Variants in CEP85L observed in about 807,000 individuals in gnomAD.
The protein encoded by CEP85L is centrosomal protein of 85 kDa-like.
In CEP85L, 60 loss-of-function variants were observed where a neutral mutation model predicts 100.3. That is an observed-to-expected ratio of 0.60 (90% confidence interval 0.49 to 0.74). The LOEUF (loss-of-function observed/expected upper bound fraction) is 0.74. Among genes scored for constraint, CEP85L ranks in the 30% least tolerant of loss-of-function variants. CEP85L has a pLI of 0.00. For synonymous variants in CEP85L, 319 were observed against 322.7 expected, an observed-to-expected ratio of 0.99 and a Z score of 0.12; for missense variants, 973 against 936.2, an observed-to-expected ratio of 1.04 and a Z score of -0.51.
chr6:118,534,608 G>C (rs1439084655), intron 3 of CEP85L, among the ~76,000 whole-genome samples: 2 of 152,146 alleles, frequency 1.3e-5, no homozygotes, highest in Non-Finnish European at 2.9e-5. Flanking sequence ...TTGACATAAG[G>C]ATAGACAGAC....
intron 2 of CEP85L, among the ~76,000 whole-genome samples, chr6:118,582,371 GA>G (rs1404756810): frequency 6.6e-6 from 1 of 152,194 alleles, no homozygotes; most frequent in Non-Finnish European, 1.5e-5. Flanking sequence ...CACATAGAGG[GA>G]TGTTATGTTG....
chr6:118,703,182 T>C (rs919305892), intron 1 of CEP85L, among the ~76,000 whole-genome samples: 4 of 152,234 alleles, frequency 2.6e-5, no homozygotes, highest in African/African-American at 9.6e-5. Flanking sequence ...ACTATTTCTG[T>C]AGTTCTTTCT....
chr6:118,620,821 C>G (rs1220266376), intron 2 of CEP85L, among the ~76,000 whole-genome samples: 1 of 152,186 alleles, frequency 6.6e-6, no homozygotes, highest in African/African-American at 2.4e-5. Context: ...AGGTATTTCT[C>G]CCACCTCCTC....
At chr6:118,541,418 A>G (rs779804631) in intron 3 of CEP85L, among the ~76,000 whole-genome samples, 3 of 152,250 alleles carry the variant, frequency 2.0e-5, no homozygotes, top group Non-Finnish European at 2.9e-5. Flanking sequence ...CAATGCTTAC[A>G]TATCAGGAAG....
intron 2 of CEP85L, among the ~76,000 whole-genome samples, chr6:118,624,012 T>C (rs1773621465): frequency 1.3e-5 from 2 of 152,240 alleles, no homozygotes; most frequent in African/African-American, 2.4e-5. Flanking sequence ...GAGTTAAACC[T>C]TGGACACCCC....
chr6:118,524,828 T>C (rs941450428), intron 3 of CEP85L, among the ~76,000 whole-genome samples: 1 of 152,218 alleles, frequency 6.6e-6, no homozygotes, highest in Non-Finnish European at 1.5e-5. Context: ...AGGGCTCATG[T>C]GGGCATGCCC....
At chr6:118,632,843 C>T (rs1351849077) in intron 1 of CEP85L, among the ~76,000 whole-genome samples, 2 of 152,108 alleles carry the variant, frequency 1.3e-5, no homozygotes, top group African/African-American at 2.4e-5. Context: ...TTTCTGCTTC[C>T]GGGCATTAAA....
chr6:118,560,020 A>G, intron 3 of CEP85L: 1 of 167,240 alleles, frequency 6.0e-6, no homozygotes. Context: ...CCAGCCTAAC[A>G]TCCAATGCAG....
rs2516264 is a variant in CEP85L at position 118,475,349 on chromosome 6, T to C, written c.1914+4522A>G. 3.2e-5 allele frequency among the ~76,000 whole-genome samples: 2 copies of C among 61,952 alleles called. 1 individual carries two copies. The allele number at this position is 61,952 out of a possible 152,430, so 40.6% of individuals were successfully genotyped here. A position where few individuals can be genotyped will look rare whatever the true frequency, so the allele number is the denominator to read the frequency against. Reference sequence around the variant, plus strand: ...AAGGTGGGTGAATTGTAGGTGACATTTTTTTTTTTTTTTTTTTTTTTTTGA... The same window carrying C: ...AAGGTGGGTGAATTGTAGGTGACATCTTTTTTTTTTTTTTTTTTTTTTTGA... On this transcript the variant is annotated intron_variant, in intron 10 of 12. Coordinates refer to ENST00000368491, the MANE Select transcript of CEP85L (RefSeq NM_001042475.3).
At chr6:118,625,484 A>C (rs1204490156) in intron 2 of CEP85L, among the ~76,000 whole-genome samples, 1 of 152,208 alleles carries the variant, frequency 6.6e-6, no homozygotes, top group African/African-American at 2.4e-5. Flanking sequence ...AAAATATCAC[A>C]AGAATTAAAT....
intron 3 of CEP85L, among the ~76,000 whole-genome samples, chr6:118,550,935 T>C (rs1270134301): frequency 6.6e-6 from 1 of 151,846 alleles, no homozygotes; most frequent in Non-Finnish European, 1.5e-5. Context: ...CAGATGCCCT[T>C]AGTTATTAAG....
At chr6:118,505,549 T>C (rs1477673426) in intron 5 of CEP85L, among the ~76,000 whole-genome samples, 1 of 146,874 alleles carries the variant, frequency 6.8e-6, no homozygotes, top group Non-Finnish European at 1.5e-5. Flanking sequence ...TATTCAGTAA[T>C]AAAGAAAAAT....
At chr6:118,708,982 A>G (rs73515264) in intron 1 of CEP85L, among the ~76,000 whole-genome samples, 2 of 152,238 alleles carry the variant, frequency 1.3e-5, no homozygotes, top group Non-Finnish European at 2.9e-5. Context: ...AAGAATGACT[A>G]ACACTAAAAG....
intron 2 of CEP85L, among the ~76,000 whole-genome samples, chr6:118,587,143 C>A (rs940916988): frequency 1.3e-5 from 2 of 152,134 alleles, no homozygotes; most frequent in Non-Finnish European, 2.9e-5. Flanking sequence ...CACTAAGGAA[C>A]CTTATAGTTA....
At chr6:118,519,627 A>G (rs1362099914) in intron 4 of CEP85L, among the ~76,000 whole-genome samples, 3 of 149,682 alleles carry the variant, frequency 2.0e-5, no homozygotes. Context: ...ACAAGTTAGA[A>G]AAAGAAGAAC....
At position 118,465,111 on chromosome 6, in the gene CEP85L, T is replaced by A; in HGVS notation, c.*294A>T. 3.6e-6 allele frequency: 1 copy of A among 280,860 alleles called. No homozygotes were observed. The highest frequency in any genetic ancestry group is 6.3e-5 in the South Asian group (1 of 15,968). The allele number at this position is 280,860 out of a possible 1,614,324, so 17.4% of individuals were successfully genotyped here. ...GATTAAAAGGAATCCTACTCCTTCA[T>A]GTGAAGGGTACTCTTCACAGCTTGG... On this transcript the variant is annotated 3_prime_UTR_variant, in exon 13 of 13. Transcript: ENST00000368491.
intron 5 of CEP85L, among the ~76,000 whole-genome samples, chr6:118,508,044 A>G (rs1693048904): frequency 6.6e-6 from 1 of 152,198 alleles, no homozygotes; most frequent in Admixed American, 6.5e-5. Context: ...ATGGATAAAT[A>G]TATTTTTTGG....
intron 2 of CEP85L, among the ~76,000 whole-genome samples, chr6:118,626,002 C>G (rs1441521434): frequency 6.6e-6 from 1 of 152,172 alleles, no homozygotes; most frequent in Non-Finnish European, 1.5e-5. Flanking sequence ...GAGGACAATA[C>G]AACAGCAGGG....
chr6:118,562,006 G>T (rs1033894690), intron 3 of CEP85L, among the ~76,000 whole-genome samples: 1 of 152,044 alleles, frequency 6.6e-6, no homozygotes, highest in African/African-American at 2.4e-5. Flanking sequence ...AAAATGTCCA[G>T]AAATTTTATG....
Sources: gnomAD v4.1 joint callset for allele counts (sites outside exome capture counted in the v4.1 genomes callset) on GRCh38, gnomAD v4.1.1 for gene constraint, MANE v1.5 for transcripts, NCBI Gene and HGNC (gene_info 2026-07-23, HGNC 2026-07-21) for gene names.